The following TCF4 variants were observed in gnomAD, a reference collection of about 807,000 sequenced individuals.
TCF4 encodes the protein transcription factor 4.
Under a neutral mutation model 82.1 loss-of-function variants are expected in TCF4, and 3 were observed. The observed-to-expected ratio is 0.04, with a 90% confidence interval of 0.02 to 0.09. The LOEUF is 0.09. Among genes scored for constraint, TCF4 ranks in the 10% least tolerant of loss-of-function variants. The pLI is 1.00. For synonymous variants in TCF4, 276 were observed against 309.6 expected (o/e 0.89, Z 1.14); for missense variants, 518 against 852.7 (o/e 0.61, Z 4.89).
At chr18:55,597,829 C>T (rs898514740) in intron 2 of TCF4, among the ~76,000 whole-genome samples, 2 of 152,044 alleles carry the variant, frequency 1.3e-5, no homozygotes, top group African/African-American at 4.8e-5. Context: ...GCCCTCCAAC[C>T]CCCTCCCCAC....
intron 3 of TCF4, among the ~76,000 whole-genome samples, chr18:55,498,794 A>C (rs1018682743): frequency 6.6e-6 from 1 of 152,190 alleles, no homozygotes; most frequent in Non-Finnish European, 1.5e-5. Context: ...GGAAAGTCAC[A>C]CGTAAGACAG....
intron 3 of TCF4, among the ~76,000 whole-genome samples, chr18:55,582,006 G>C (rs1414505400): frequency 2.0e-5 from 3 of 152,068 alleles, no homozygotes; most frequent in Admixed American, 6.6e-5. Context: ...GACCAGACCT[G>C]ATCTAACAAG....
At position 55,583,833 on chromosome 18, in the gene TCF4, C is replaced by T. The variant is rs1170021520; in HGVS notation, c.145+1447G>A. 2.0e-5 allele frequency among the ~76,000 whole-genome samples: 3 copies of T among 152,132 alleles called. No individual in the cohort carries two copies. In the East Asian group the frequency reaches 5.8e-4, roughly 29 times the overall value. ...CAAAAGATACTTGTCCTTACCTTTA[C>T]ATCAAACATGCATATTAATATTTTC... is the stretch of plus-strand genomic sequence containing the variant. On this transcript the variant is annotated intron_variant, in intron 3 of 19. Transcript: ENST00000354452.
At chr18:55,343,467 C>A (rs1603243089) in intron 8 of TCF4, among the ~76,000 whole-genome samples, 1 of 152,140 alleles carries the variant, frequency 6.6e-6, no homozygotes, top group African/African-American at 2.4e-5. Flanking sequence ...CAAAGTCAGA[C>A]AAGAGACAAG....
At chr18:55,397,508 TA>T (rs2093570790) in intron 6 of TCF4, among the ~76,000 whole-genome samples, 1 of 152,176 alleles carries the variant, frequency 6.6e-6, no homozygotes, top group African/African-American at 2.4e-5. Flanking sequence ...AACATAGCGA[TA>T]CCCCATCCCT....
rs144649853 is a variant in TCF4, at chr18:55,449,289, C to T, written c.304+11730G>A. On this transcript the variant is annotated intron_variant, in intron 5 of 19. Transcript: ENST00000354452. ...TCTGCCAAGATATTTAAGATCTGTGCTCACTGCATCTCAATTTCCAAATAA... is the reference window on the plus strand; with the variant it reads ...TCTGCCAAGATATTTAAGATCTGTGTTCACTGCATCTCAATTTCCAAATAA... 3.2e-3 allele frequency among the ~76,000 whole-genome samples: 482 copies of T among 152,228 alleles called. 5 individuals carry two copies. Among genetic ancestry groups the T allele is most frequent in the Middle Eastern group, 0.014 (4 of 294 alleles).
intron 3 of TCF4, among the ~76,000 whole-genome samples, chr18:55,504,264 A>G (rs905870821): frequency 1.3e-5 from 2 of 152,236 alleles, no homozygotes; most frequent in African/African-American, 4.8e-5. Context: ...GGGAGAAAAG[A>G]GAACTCACAT....
chr18:55,294,923 A>G (rs2066104324), intron 8 of TCF4, among the ~76,000 whole-genome samples: 1 of 152,200 alleles, frequency 6.6e-6, no homozygotes, highest in African/African-American at 2.4e-5. Context: ...ATAACAAACC[A>G]AGAGTCAGTT....
At chr18:55,381,146 T>C (rs1318959159) in intron 6 of TCF4, among the ~76,000 whole-genome samples, 1 of 152,244 alleles carries the variant, frequency 6.6e-6, no homozygotes, top group Non-Finnish European at 1.5e-5. Flanking sequence ...ACGAAATGTC[T>C]TGGGAAATCA....
At chr18:55,445,424 T>A (rs1216445481) in intron 5 of TCF4, among the ~76,000 whole-genome samples, 7 of 152,020 alleles carry the variant, frequency 4.6e-5, no homozygotes. Context: ...ACAATCATGG[T>A]GGAAGGCGAA....
At chr18:55,364,859 G>A (rs1376634739) in intron 6 of TCF4, among the ~76,000 whole-genome samples, 2 of 151,918 alleles carry the variant, frequency 1.3e-5, no homozygotes, top group African/African-American at 4.8e-5. Flanking sequence ...ATTTACTAAT[G>A]CACATTAAAA....
chr18:55,554,118 T>C (rs1406057142), intron 3 of TCF4, among the ~76,000 whole-genome samples: 2 of 152,244 alleles, frequency 1.3e-5, no homozygotes, highest in East Asian at 3.9e-4. Context: ...AATCTCAAAG[T>C]CAGCATAGTA....
At chr18:55,588,655 C>G (rs1046440359), upstream of TCF4, 6 of 1,339,092 alleles carry the variant, frequency 4.5e-6, no homozygotes, top group East Asian at 1.7e-4. Flanking sequence ...TACTAGGCTG[C>G]AAATACACGT....
intron 3 of TCF4, among the ~76,000 whole-genome samples, chr18:55,472,543 T>C (rs986858714): frequency 2.0e-5 from 3 of 152,136 alleles, no homozygotes; most frequent in Non-Finnish European, 4.4e-5. Flanking sequence ...TTTAAAGCAA[T>C]ATCCTACAAA....
chr18:55,509,136 A>G (rs938535237), intron 3 of TCF4, among the ~76,000 whole-genome samples: 7 of 152,190 alleles, frequency 4.6e-5, no homozygotes, highest in African/African-American at 1.7e-4. Context: ...TTATTTCTGT[A>G]AGTCCTTAAG....
intron 3 of TCF4, among the ~76,000 whole-genome samples, chr18:55,481,803 G>A (rs2096439052): frequency 6.6e-6 from 1 of 152,106 alleles, no homozygotes; most frequent in South Asian, 2.1e-4. Flanking sequence ...CCCTTACAAT[G>A]TCTCAAGAAA....
chr18:55,481,845 T>C (rs1376387686), intron 3 of TCF4, among the ~76,000 whole-genome samples: 4 of 152,252 alleles, frequency 2.6e-5, no homozygotes, highest in African/African-American at 9.6e-5. Flanking sequence ...CGATACGTTA[T>C]GAACAATCTT....
intron 3 of TCF4, among the ~76,000 whole-genome samples, chr18:55,556,228 T>A (rs896022938): frequency 6.6e-6 from 1 of 152,110 alleles, no homozygotes; most frequent in Non-Finnish European, 1.5e-5. Context: ...CAGAATAGCA[T>A]TTTTTTCCAC....
chr18:55,304,426 A>G (rs1315753535), intron 8 of TCF4, among the ~76,000 whole-genome samples: 2 of 152,266 alleles, frequency 1.3e-5, no homozygotes, highest in Non-Finnish European at 1.5e-5. Context: ...ACATAGAATT[A>G]TAAATACAGT....
Sources: allele counts gnomAD v4.1 joint callset (sites outside exome capture counted in the v4.1 genomes callset), GRCh38; gene constraint gnomAD v4.1.1; transcripts MANE v1.5; gene names NCBI Gene and HGNC (gene_info 2026-07-23, HGNC 2026-07-21).